KCNC1: variants seen among roughly 807,000 people sequenced by gnomAD.
KCNC1 encodes the protein voltage-gated potassium channel KCNC1.
Under a neutral mutation model 43.4 loss-of-function variants are expected in KCNC1, and 8 were observed. The observed-to-expected ratio is 0.18, with a 90% CI of 0.11 to 0.33. The LOEUF (loss-of-function observed/expected upper bound fraction) is 0.33, where lower values mean the gene tolerates loss of function less well. Among genes scored for constraint, KCNC1 ranks in the 10% least tolerant of loss-of-function variants. The probability of loss-of-function intolerance (pLI) is 1.00; values close to 1 mark genes in which losing one functional copy is unlikely to be tolerated. For missense variants in KCNC1, 420 were observed against 836.0 expected, an observed-to-expected ratio of 0.50 and a Z score of 6.14; for synonymous variants, 361 against 360.5, an observed-to-expected ratio of 1.00 and a Z score of -0.01.
In KCNC1 at chr11:17,779,696, CT is replaced by C. The variant is rs1379619373; in HGVS notation, c.1693+53del. ...GCATCGTCCGGGCCGCCTCGCGCTC[CT>C]GCAGATGGGTGGGCAGGGCGGCGGG... On this transcript the variant is annotated intron_variant, in intron 3 of 3. Transcript: ENST00000265969. The surrounding 1 kb of genome is among the most constrained non-coding windows in gnomAD (Gnocchi z 7.2). 15 of 1,371,408 alleles carry C rather than the reference CT, an allele frequency of 1.1e-5. No homozygotes were observed. Among genetic ancestry groups the C allele is most frequent in the Non-Finnish European group, 1.4e-5 (15 of 1,048,436 alleles). The allele number at this position is 1,371,408 out of a possible 1,614,324, so 85.0% of individuals were successfully genotyped here.
chr11:17,743,640 T>C (rs1848865895), intron 1 of KCNC1, among the ~76,000 whole-genome samples: 1 of 152,188 alleles, frequency 6.6e-6, no homozygotes. Context: ...GGGCGGCACA[T>C]GGTGGGAACG....
chr11:17,774,374 C>T, intron 2 of KCNC1: 1 of 985,562 alleles, frequency 1.0e-6, no homozygotes, highest in Non-Finnish European at 1.2e-6. Context: ...CCCCTGCATC[C>T]TCCCCGACAC....
rs1849221792 is a variant in KCNC1 at position 17,771,174 on chromosome 11, C to G, written c.571-491C>G. On this transcript the variant is annotated intron_variant, in intron 1 of 3. Coordinates refer to ENST00000265969, the MANE Select transcript of KCNC1 (RefSeq NM_001112741.2). The surrounding 1 kb of genome is among the most constrained non-coding windows in gnomAD (Gnocchi z 4.7). Reference sequence around the variant, plus strand: ...TGGAGTTGGGAGAACAAATGGAGATCTGGCCTCTGAGGGGCTTCATTCCAC... The same window carrying G: ...TGGAGTTGGGAGAACAAATGGAGATGTGGCCTCTGAGGGGCTTCATTCCAC... 6.6e-6 allele frequency among the ~76,000 whole-genome samples: 1 copy of G among 152,202 alleles called. No individual in the cohort carries two copies. The highest frequency in any genetic ancestry group is 6.5e-5 in the Admixed American group (1 of 15,292).
chr11:17,767,297 AAAAGAAAAG>A (rs1284750851), intron 1 of KCNC1, among the ~76,000 whole-genome samples: 5 of 143,114 alleles, frequency 3.5e-5, no homozygotes, highest in African/African-American at 1.1e-4. Context: ...AAAAAAAAAA[AAAAGAAAAG>A]AAAAGAAAAG....
Position 17,773,207 on chromosome 11 carries a change from C to CT in KCNC1, c.1504+610dup, listed in dbSNP as rs1455036185. On this transcript the variant is annotated intron_variant, in intron 2 of 3. Transcript: ENST00000265969. This position sits in a 1 kb window ranked among gnomAD's most constrained non-coding sequence, Gnocchi z 4.1. ...GCTCGAGGTCCTTCCCAGGAGACGC[C>CT]TGTAGCCCTCCGTGACAAGCTTACT... 12 of 986,220 alleles carry CT rather than the reference C, an allele frequency of 1.2e-5. No individual in the cohort carries two copies. Among genetic ancestry groups the CT allele is most frequent in the Non-Finnish European group, 1.4e-5 (12 of 830,664 alleles). The allele number at this position is 986,220 out of a possible 1,614,324, so 61.1% of individuals were successfully genotyped here.
chr11:17,740,465 G>A (rs1382838513), intron 1 of KCNC1, among the ~76,000 whole-genome samples: 2 of 152,076 alleles, frequency 1.3e-5, no homozygotes, highest in African/African-American at 2.4e-5. Context: ...AGGTGTGAGA[G>A]CAGGCAGGGG....
At chr11:17,764,214 A>G (rs1849119794) in intron 1 of KCNC1, among the ~76,000 whole-genome samples, 1 of 145,656 alleles carries the variant, frequency 6.9e-6, no homozygotes, top group Admixed American at 6.8e-5. Context: ...ACACACATAC[A>G]CACCACACAT....
intron 1 of KCNC1, among the ~76,000 whole-genome samples, chr11:17,756,520 AACACACACACACACACAC>A (rs3051818): frequency 6.3e-5 from 9 of 143,908 alleles, no homozygotes; most frequent in Non-Finnish European, 1.1e-4. Context: ...CTTCCCTCCA[AACACACACACACACACAC>A]ACACACACAC....
intron 1 of KCNC1, among the ~76,000 whole-genome samples, chr11:17,756,106 G>A (rs1420045462): frequency 2.0e-5 from 3 of 152,150 alleles, no homozygotes; most frequent in East Asian, 1.9e-4. Flanking sequence ...CCTGAGCAGC[G>A]CTCCCCTTCT....
At position 17,776,256 on chromosome 11, in the gene KCNC1, G is replaced by C. The variant is rs371698703; in HGVS notation, c.1505-3200G>C. 2.0e-6 allele frequency: 2 copies of C among 984,918 alleles called. No individual in the cohort carries two copies. The highest frequency in any genetic ancestry group is 3.5e-5 in the African/African-American group (2 of 57,084). The allele number at this position is 984,918 out of a possible 1,614,324, so 61.0% of individuals were successfully genotyped here. On this transcript the variant is annotated intron_variant, in intron 2 of 3. Coordinates refer to ENST00000265969, the MANE Select transcript of KCNC1 (RefSeq NM_001112741.2). The surrounding 1 kb of genome is among the most constrained non-coding windows in gnomAD (Gnocchi z 4.4). ...CTCGTTTTGTTGCATGACTTGTGCC[G>C]GTTCTCGTGATTGTTCCCTGCTCGT...
intron 2 of KCNC1, chr11:17,775,296 CAG>C: frequency 3.1e-6 from 3 of 977,634 alleles, no homozygotes; most frequent in Non-Finnish European, 3.6e-6. Flanking sequence ...CCCGCCCCCC[CAG>C]GCCAGCCCCC....
At chr11:17,769,995 T>C (rs561856174) in intron 1 of KCNC1, among the ~76,000 whole-genome samples, 3 of 152,356 alleles carry the variant, frequency 2.0e-5, no homozygotes, top group Admixed American at 6.5e-5. Context: ...TTCCCTTTGC[T>C]CCCAGCTTCC....
At chr11:17,774,755 C>T (rs1388485784) in intron 2 of KCNC1, 1 of 985,330 alleles carries the variant, frequency 1.0e-6, no homozygotes. Context: ...CAAGCTTGCC[C>T]TCTGGAGCTT....
chr11:17,750,047 G>C (rs1472347885), intron 1 of KCNC1, among the ~76,000 whole-genome samples: 1 of 152,150 alleles, frequency 6.6e-6, no homozygotes, highest in Non-Finnish European at 1.5e-5. Context: ...GGCCTGGCCA[G>C]GCCTGGGTTC....
In KCNC1 at chr11:17,764,337, CAT is replaced by C. The variant is rs552318144; in HGVS notation, c.571-7325_571-7324del. ...TCTCCATACACACATGCAAACACTCCATATGTGTTCCCCACACACCCCATACA... is the reference window on the plus strand; with the variant it reads ...TCTCCATACACACATGCAAACACTCCATGTGTTCCCCACACACCCCATACA... On this transcript the variant is annotated intron_variant, in intron 1 of 3. Coordinates refer to ENST00000265969, the MANE Select transcript of KCNC1 (RefSeq NM_001112741.2). 2.4e-3 allele frequency among the ~76,000 whole-genome samples: 369 copies of C among 151,682 alleles called. 4 individuals carry two copies. The highest frequency in any genetic ancestry group is 0.017 in the Middle Eastern group (5 of 294).
At position 17,771,682 on chromosome 11, in the gene KCNC1, C is replaced by T; in HGVS notation, c.588C>T (p.Ser196=). 1.2e-6 allele frequency: 2 copies of T among 1,609,238 alleles called. No individual in the cohort carries two copies. The highest frequency in any genetic ancestry group is 1.7e-6 in the Non-Finnish European group (2 of 1,175,780). ...CCCCACAGTATGTGGCCTTCGCTTCCCTCTTCTTCATCCTGGTCTCCATCA... is the reference window on the plus strand; with the variant it reads ...CCCCACAGTATGTGGCCTTCGCTTCTCTCTTCTTCATCCTGGTCTCCATCA... ...SRYARYVAFA[S]LFFILVSITT... Residue 196 remains serine (S), a synonymous_variant, in exon 2 of 4, where the codon TCC becomes TCT. Coordinates refer to ENST00000265969, the MANE Select transcript of KCNC1 (RefSeq NM_001112741.2). This position sits in a 1 kb window ranked among gnomAD's most constrained non-coding sequence, Gnocchi z 4.7.
At chr11:17,754,616 C>T (rs1341281391) in intron 1 of KCNC1, among the ~76,000 whole-genome samples, 4 of 152,224 alleles carry the variant, frequency 2.6e-5, no homozygotes, top group African/African-American at 7.2e-5. Context: ...CAGAGGAAAC[C>T]TATGCTTGTG....
At chr11:17,753,480 C>T (rs1848990637) in intron 1 of KCNC1, among the ~76,000 whole-genome samples, 1 of 152,208 alleles carries the variant, frequency 6.6e-6, no homozygotes, top group Admixed American at 6.5e-5. Flanking sequence ...GGGCCTCTGG[C>T]CGGCACTAGG....
intron 1 of KCNC1, among the ~76,000 whole-genome samples, chr11:17,752,410 G>C (rs1025293481): frequency 6.6e-6 from 1 of 152,192 alleles, no homozygotes; most frequent in African/African-American, 2.4e-5. Context: ...CACGGCTGCA[G>C]CTAAGTATAG....
Sources: gnomAD v4.1 joint callset for allele counts (sites outside exome capture counted in the v4.1 genomes callset) on GRCh38, gnomAD v4.1.1 for gene constraint, Gnocchi (gnomAD v3.1) non-coding constraint, MANE v1.5 for transcripts, NCBI Gene and HGNC (gene_info 2026-07-23, HGNC 2026-07-21) for gene names.